LINGO2: variants seen among roughly 807,000 people sequenced by gnomAD.
LINGO2 encodes the protein leucine rich repeat and Ig domain containing 2.
In LINGO2, 14 loss-of-function variants were observed where a neutral mutation model predicts 30.6. That is an observed-to-expected ratio of 0.46 (90% CI 0.30 to 0.72). The LOEUF (loss-of-function observed/expected upper bound fraction) is 0.72, where lower values mean the gene tolerates loss of function less well. Ranked by LOEUF, LINGO2 falls within the 30% of genes least tolerant of loss-of-function variation. LINGO2 has a pLI of 0.07. For missense variants in LINGO2, 729 were observed against 751.7 expected (o/e 0.97, Z 0.35); for synonymous variants, 317 against 288.5 (o/e 1.10, Z -1.00).
chr9:28,408,353 C>G (rs192553667), intron 2 of LINGO2, among the ~76,000 whole-genome samples: 14 of 152,194 alleles, frequency 9.2e-5, no homozygotes, highest in Admixed American at 9.2e-4. Flanking sequence ...AGTATTATCA[C>G]TATTATTAGT....
At chr9:28,230,610 TTTA>T (rs150694238) in intron 4 of LINGO2, among the ~76,000 whole-genome samples, 30,160 of 151,676 alleles carry the variant, frequency 0.2, 3,690 homozygotes, top group Non-Finnish European at 0.26. Flanking sequence ...GTCTACAGTT[TTTA>T]TTATTATTAA....
intron 5 of LINGO2, among the ~76,000 whole-genome samples, chr9:27,981,669 G>C (rs1271827459): frequency 4.0e-5 from 6 of 151,116 alleles, no homozygotes; most frequent in Admixed American, 4.0e-4. Flanking sequence ...CTCTTATTGA[G>C]AGAGCAGATC....
At chr9:28,490,692 A>G (rs1376097066) in intron 1 of LINGO2, among the ~76,000 whole-genome samples, 1 of 152,218 alleles carries the variant, frequency 6.6e-6, no homozygotes, top group African/African-American at 2.4e-5. Context: ...TATCTTAAAT[A>G]TCAACATTTT....
the LINGO2 span, among the ~76,000 whole-genome samples, chr9:28,982,945 T>G: frequency 2.6e-5 from 4 of 151,946 alleles, no homozygotes. Flanking sequence ...TATGAATCTT[T>G]TGTTTGCTAG....
At chr9:29,147,097 G>A in the LINGO2 span, among the ~76,000 whole-genome samples, 1 of 152,128 alleles carries the variant, frequency 6.6e-6, no homozygotes, top group Admixed American at 6.5e-5. Context: ...TGTAAAGCAT[G>A]TACACATCTG....
the LINGO2 span, among the ~76,000 whole-genome samples, chr9:29,096,883 C>T: frequency 7.2e-6 from 1 of 138,900 alleles, no homozygotes; most frequent in African/African-American, 2.7e-5. Context: ...CAACATTATA[C>T]TGATTTTAGT....
At chr9:28,643,713 A>G (rs1291765981) in intron 1 of LINGO2, among the ~76,000 whole-genome samples, 51 of 152,124 alleles carry the variant, frequency 3.4e-4, no homozygotes, top group Admixed American at 3.3e-3. Context: ...AAGCTTCTGC[A>G]TAGCAAAAGA....
chr9:28,551,673 T>A (rs1001924849), intron 1 of LINGO2, among the ~76,000 whole-genome samples: 1 of 152,096 alleles, frequency 6.6e-6, no homozygotes, highest in Non-Finnish European at 1.5e-5. Context: ...TTTTTATTTA[T>A]ATGCAAATTT....
intron 1 of LINGO2, among the ~76,000 whole-genome samples, chr9:28,598,322 A>G (rs1825289794): frequency 6.6e-6 from 1 of 151,618 alleles, no homozygotes; most frequent in South Asian, 2.1e-4. Flanking sequence ...ATATCCTCCC[A>G]GTATTCTCAC....
chr9:28,339,663 G>A (rs1825703473), intron 3 of LINGO2, among the ~76,000 whole-genome samples: 1 of 152,114 alleles, frequency 6.6e-6, no homozygotes, highest in Non-Finnish European at 1.5e-5. Flanking sequence ...TAAACTCTGA[G>A]TTCAGTGATG....
the LINGO2 span, among the ~76,000 whole-genome samples, chr9:28,880,903 C>G: frequency 6.6e-6 from 1 of 152,180 alleles, no homozygotes; most frequent in African/African-American, 2.4e-5. Context: ...ACGTGCACAT[C>G]CAGCCATAGT....
intron 4 of LINGO2, among the ~76,000 whole-genome samples, chr9:28,013,944 T>C (rs902511364): frequency 6.6e-6 from 1 of 152,118 alleles, no homozygotes; most frequent in Non-Finnish European, 1.5e-5. Flanking sequence ...CTGCAGTTCC[T>C]AGAAAGAAAT....
chr9:28,529,702 G>C (rs979475584), intron 1 of LINGO2, among the ~76,000 whole-genome samples: 1 of 151,068 alleles, frequency 6.6e-6, no homozygotes, highest in Non-Finnish European at 1.5e-5. Context: ...AAGGTGGATC[G>C]GGTAGGTTGG....
the LINGO2 span, among the ~76,000 whole-genome samples, chr9:29,034,942 TCAATGTGAAATAACACATATA>T: frequency 1.3e-5 from 2 of 152,222 alleles, no homozygotes; most frequent in East Asian, 3.9e-4. Flanking sequence ...TGAACAAAAG[TCAATGTGAAATAACACATATA>T]AAATGTCAGG....
the LINGO2 span, among the ~76,000 whole-genome samples, chr9:28,842,101 T>C: frequency 4.0e-5 from 6 of 151,730 alleles, no homozygotes; most frequent in Non-Finnish European, 7.4e-5. Flanking sequence ...ACTAAGAAAG[T>C]AAATGGTGGT....
In LINGO2 at chr9:28,640,650, T is replaced by C. The variant is rs560419903; in HGVS notation, c.-365+29550A>G. On this transcript the variant is annotated intron_variant, in intron 1 of 5. Transcript: ENST00000379992. ...TGAGGCTTGTGCATTCGTCACGTAG[T>C]TCTCGTGCCATGGTTTTCAGCTCCA... Among the ~76,000 whole-genome samples the C allele has an allele frequency of 1.3e-4, 20 of 152,214 alleles. No individual in the cohort carries two copies. The East Asian group carries it at 3.7e-3, about 28-fold the overall frequency.
the LINGO2 span, among the ~76,000 whole-genome samples, chr9:28,946,268 A>G: frequency 3.9e-5 from 6 of 152,290 alleles, no homozygotes; most frequent in East Asian, 9.7e-4. Context: ...CTACAGAGAA[A>G]AAGCAGAAAG....
chr9:28,905,187 C>T, the LINGO2 span, among the ~76,000 whole-genome samples: 22 of 150,018 alleles, frequency 1.5e-4, no homozygotes, highest in African/African-American at 2.0e-4. Context: ...AAGAAAATAA[C>T]AGGGAAGCTC....
chr9:28,422,892 A>G (rs1823260009), intron 2 of LINGO2, among the ~76,000 whole-genome samples: 1 of 152,084 alleles, frequency 6.6e-6, no homozygotes, highest in African/African-American at 2.4e-5. Flanking sequence ...ATAAACTTTG[A>G]AGACATCATG....
Sources: gnomAD v4.1 joint callset for allele counts (sites outside exome capture counted in the v4.1 genomes callset) on GRCh38, gnomAD v4.1.1 for gene constraint, MANE v1.5 for transcripts, NCBI Gene and HGNC (gene_info 2026-07-23, HGNC 2026-07-21) for gene names.